The following ZNF521 variants were observed in gnomAD, a reference collection of about 807,000 sequenced individuals.
The protein encoded by ZNF521 is LYST-interacting protein 3.
ZNF521 carries 14 observed loss-of-function variants against 105.5 expected under a neutral mutation model. The ratio of observed to expected loss-of-function variants is 0.13; its 90% CI spans 0.09 to 0.21. The LOEUF (loss-of-function observed/expected upper bound fraction) is 0.21, where lower values mean the gene tolerates loss of function less well. Among genes scored for constraint, ZNF521 ranks in the 10% least tolerant of loss-of-function variants. The probability of loss-of-function intolerance (pLI) is 1.00; values close to 1 mark genes in which losing one functional copy is unlikely to be tolerated. For missense variants in ZNF521, 1,233 were observed against 1,629.7 expected (o/e 0.76, Z 4.19); for synonymous variants, 635 against 606.0 (o/e 1.05, Z -0.70).
intron 4 of ZNF521, among the ~76,000 whole-genome samples, chr18:25,208,450 C>T (rs544904455): frequency 7.6e-4 from 116 of 152,272 alleles, no homozygotes; most frequent in Non-Finnish European, 1.4e-3. Flanking sequence ...TCAAAACTAT[C>T]TTAATTCTCC....
intron 3 of ZNF521, among the ~76,000 whole-genome samples, chr18:25,313,517 G>A (rs950648978): frequency 1.3e-5 from 2 of 152,100 alleles, no homozygotes; most frequent in African/African-American, 4.8e-5. Flanking sequence ...GCACAGAAGT[G>A]AGATTATCAG....
intron 5 of ZNF521, among the ~76,000 whole-genome samples, chr18:25,164,966 T>C (rs1291066944): frequency 6.6e-6 from 1 of 152,206 alleles, no homozygotes; most frequent in Non-Finnish European, 1.5e-5. Flanking sequence ...TGAACACCGA[T>C]GTCGTGCTCT....
At chr18:25,088,214 CTT>C (rs1599997461) in intron 7 of ZNF521, among the ~76,000 whole-genome samples, 1 of 151,108 alleles carries the variant, frequency 6.6e-6, no homozygotes, top group African/African-American at 2.4e-5. Context: ...ATTTTCTTTT[CTT>C]TTCTTTTTTT....
chr18:25,330,732 TCAGA>T (rs986572320), intron 2 of ZNF521, among the ~76,000 whole-genome samples: 6 of 152,186 alleles, frequency 3.9e-5, no homozygotes, highest in Admixed American at 6.5e-5. Context: ...ATTCTTTTCA[TCAGA>T]CAAAGTCAAA....
intron 1 of ZNF521, chr18:25,351,646 T>TA (rs1914781510): frequency 6.6e-6 from 1 of 152,354 alleles, no homozygotes; most frequent in Admixed American, 6.5e-5. Flanking sequence ...GGGAAAAAAA[T>TA]ACTTTTTTTC....
intron 7 of ZNF521, among the ~76,000 whole-genome samples, chr18:25,072,716 T>A (rs2033257806): frequency 6.6e-6 from 1 of 151,276 alleles, no homozygotes. Context: ...AGAGGGAGAG[T>A]GTAAAGATTT....
chr18:25,214,462 T>C (rs1397490525), intron 4 of ZNF521, among the ~76,000 whole-genome samples: 2 of 152,110 alleles, frequency 1.3e-5, no homozygotes, highest in Non-Finnish European at 2.9e-5. Flanking sequence ...GTTTCTTTGT[T>C]TTCTATTTAT....
intron 5 of ZNF521, among the ~76,000 whole-genome samples, chr18:25,107,031 G>A (rs1007060303): frequency 2.6e-5 from 4 of 152,248 alleles, no homozygotes; most frequent in Non-Finnish European, 4.4e-5. Flanking sequence ...CTTCCCATGC[G>A]ACATGGTGGA....
At chr18:25,262,930 A>G (rs1909008756) in intron 3 of ZNF521, among the ~76,000 whole-genome samples, 1 of 152,214 alleles carries the variant, frequency 6.6e-6, no homozygotes, top group East Asian at 1.9e-4. Context: ...TGTCCATTGC[A>G]AACTTTCTCT....
intron 5 of ZNF521, among the ~76,000 whole-genome samples, chr18:25,108,227 T>C (rs1330775971): frequency 1.3e-5 from 2 of 152,220 alleles, no homozygotes; most frequent in African/African-American, 4.8e-5. Context: ...ATGTTAATGA[T>C]AAAAATATAC....
intron 5 of ZNF521, among the ~76,000 whole-genome samples, chr18:25,102,952 A>C (rs2033996071): frequency 6.6e-6 from 1 of 152,070 alleles, no homozygotes; most frequent in Non-Finnish European, 1.5e-5. Context: ...TCAAGGCCTG[A>C]ATTTATTCAA....
chr18:25,160,502 C>T (rs2035231010), intron 5 of ZNF521, among the ~76,000 whole-genome samples: 1 of 152,184 alleles, frequency 6.6e-6, no homozygotes, highest in Non-Finnish European at 1.5e-5. Context: ...ACACACTGCA[C>T]TTATGCACAC....
At chr18:25,160,138 CAG>C (rs1373046287) in intron 5 of ZNF521, among the ~76,000 whole-genome samples, 6 of 152,124 alleles carry the variant, frequency 3.9e-5, no homozygotes, top group African/African-American at 1.4e-4. Context: ...GATTAGCCAT[CAG>C]GGGGTTATTT....
At chr18:25,279,745 C>A (rs140256929) in intron 3 of ZNF521, among the ~76,000 whole-genome samples, 2 of 152,000 alleles carry the variant, frequency 1.3e-5, no homozygotes, top group Admixed American at 1.3e-4. Flanking sequence ...TAATGTAATA[C>A]GAGGTATTTT....
intron 5 of ZNF521, among the ~76,000 whole-genome samples, chr18:25,113,236 A>G (rs969431219): frequency 7.9e-5 from 12 of 152,118 alleles, no homozygotes; most frequent in Admixed American, 7.9e-4. Flanking sequence ...AGGCTGTCCA[A>G]TCAGCAGGTC....
intron 5 of ZNF521, among the ~76,000 whole-genome samples, chr18:25,092,286 T>A (rs2033762886): frequency 1.3e-5 from 2 of 152,218 alleles, no homozygotes. Context: ...CCAAAGATAA[T>A]CAGAAGTCAG....
At chr18:25,313,124 GT>G (rs1912412621) in intron 3 of ZNF521, among the ~76,000 whole-genome samples, 1 of 152,088 alleles carries the variant, frequency 6.6e-6, no homozygotes, top group South Asian at 2.1e-4. Context: ...AGCCATCCAG[GT>G]ACTAACCAGA....
In ZNF521 at chr18:25,226,582, G is replaced by A; in HGVS notation, c.1336C>T (p.Leu446=). Residue 446 remains leucine (L), a synonymous_variant, in exon 4 of 8, where the codon CTG becomes TTG. Coordinates refer to ENST00000361524, the MANE Select transcript of ZNF521 (RefSeq NM_015461.3). The surrounding 1 kb of genome is among the most constrained non-coding windows in gnomAD (Gnocchi z 4.1). ...TCATTTAGGTTATAGAGTGAGGGCA[G>A]GACCTCCAAGCAATACTGACAAATA... ...AHICQYCLEV[L]PSLYNLNEHL... 6.2e-7 allele frequency: 1 copy of A among 1,614,134 alleles called. No individual in the cohort carries two copies. The highest frequency in any genetic ancestry group is 8.5e-7 in the Non-Finnish European group (1 of 1,180,022).
At position 25,196,109 on chromosome 18, in the gene ZNF521, G is replaced by C. The variant is rs72874429; in HGVS notation, c.3574-865C>G. Among the ~76,000 whole-genome samples the C allele has an allele frequency of 6.4e-3, 971 of 151,780 alleles. 11 individuals carry two copies. The highest frequency in any genetic ancestry group is 9.3e-3 in the Non-Finnish European group (627 of 67,696). ...GATGAACTCAATAAATAGAGTATTA[G>C]CTGTGTTTTCCAGAACACATACTTA... On this transcript the variant is annotated intron_variant, in intron 4 of 7. Transcript: ENST00000361524.
Sources: gnomAD v4.1 joint callset for allele counts (sites outside exome capture counted in the v4.1 genomes callset) on GRCh38, gnomAD v4.1.1 for gene constraint, Gnocchi (gnomAD v3.1) non-coding constraint, MANE v1.5 for transcripts, NCBI Gene and HGNC (gene_info 2026-07-23, HGNC 2026-07-21) for gene names.